Variants in TMEM132D observed in about 807,000 individuals in gnomAD.
The protein encoded by TMEM132D is mature OL transmembrane protein.
In TMEM132D, 21 loss-of-function variants were observed where a neutral mutation model predicts 62.3. The ratio of observed to expected loss-of-function variants is 0.34; its 90% CI spans 0.24 to 0.49. The LOEUF (loss-of-function observed/expected upper bound fraction) is 0.49, where lower values mean the gene tolerates loss of function less well. Ranked by LOEUF, TMEM132D falls within the 20% of genes least tolerant of loss-of-function variation. The probability of loss-of-function intolerance (pLI) is 0.99; values close to 1 mark genes in which losing one functional copy is unlikely to be tolerated. For synonymous variants in TMEM132D, 621 were observed against 575.6 expected (o/e 1.08, Z -1.13); for missense variants, 1,346 against 1,402.8 (o/e 0.96, Z 0.65).
intron 2 of TMEM132D, among the ~76,000 whole-genome samples, chr12:129,588,649 A>G (rs553045211): frequency 6.7e-6 from 1 of 150,292 alleles, no homozygotes; most frequent in Non-Finnish European, 1.5e-5. Flanking sequence ...ATCTCCGCCC[A>G]CTGCAAGCTC....
chr12:129,524,959 C>T (rs1875975465), intron 3 of TMEM132D, among the ~76,000 whole-genome samples: 1 of 104,386 alleles, frequency 9.6e-6, no homozygotes, highest in South Asian at 3.5e-4. Context: ...CGGAGTCTCG[C>T]TCTGTCGCCA....
chr12:129,700,061 G>A lies in TMEM132D; in HGVS notation c.717C>T (p.Cys239=), dbSNP rs753490402. Residue 239 remains cysteine, a synonymous_variant, in exon 2 of 9, where the codon TGC becomes TGT. Transcript: ENST00000422113. ...TVHPGGERGD[C]VREDARRSNG... ...TGCTTCTCCTCGCGTCTTCCCTGACGCAGTCCCCTCTCTCACCCCCTGGGT... is the reference window on the plus strand; with the variant it reads ...TGCTTCTCCTCGCGTCTTCCCTGACACAGTCCCCTCTCTCACCCCCTGGGT... The A allele has an allele frequency of 8.7e-6, 14 of 1,613,632 alleles. No homozygotes were observed. In the East Asian group the frequency reaches 1.1e-4, roughly 13 times the overall value.
chr12:129,582,688 G>C (rs1266158366), intron 2 of TMEM132D, among the ~76,000 whole-genome samples: 1 of 147,660 alleles, frequency 6.8e-6, no homozygotes, highest in Admixed American at 6.8e-5. Context: ...GTGTGATCTC[G>C]GCTCACTGCA....
chr12:129,782,042 G>A (rs1164802528), intron 1 of TMEM132D, among the ~76,000 whole-genome samples: 1 of 152,160 alleles, frequency 6.6e-6, no homozygotes, highest in Admixed American at 6.5e-5. Context: ...TGTCTCATAT[G>A]ATCCCCAATG....
intron 1 of TMEM132D, among the ~76,000 whole-genome samples, chr12:129,743,539 A>C (rs1298634360): frequency 2.0e-5 from 3 of 152,192 alleles, no homozygotes. Flanking sequence ...GAGTCAATTA[A>C]ACCTCTTTCC....
chr12:129,880,635 C>T (rs11060601), intron 1 of TMEM132D, among the ~76,000 whole-genome samples: 7,796 of 152,050 alleles, frequency 0.051, 274 homozygotes, highest in Middle Eastern at 0.078. Flanking sequence ...ACACCACACG[C>T]GAAGTAGTAA....
chr12:129,376,928 T>C (rs775842931), intron 3 of TMEM132D, among the ~76,000 whole-genome samples: 1 of 152,192 alleles, frequency 6.6e-6, no homozygotes, highest in Admixed American at 6.5e-5. Flanking sequence ...AGTATACAAA[T>C]ATAACCCATT....
chr12:129,465,743 A>G (rs10744418), intron 3 of TMEM132D, among the ~76,000 whole-genome samples: 1 of 152,052 alleles, frequency 6.6e-6, no homozygotes, highest in Admixed American at 6.5e-5. Context: ...AGTGCAGTGG[A>G]GCTATCTCAG....
At chr12:129,288,991 A>G (rs751231571) in intron 4 of TMEM132D, among the ~76,000 whole-genome samples, 3 of 152,154 alleles carry the variant, frequency 2.0e-5, no homozygotes, top group Non-Finnish European at 4.4e-5. Context: ...AAGGACAAAT[A>G]CTGTATGAAT....
chr12:129,487,038 G>T (rs1003344849), intron 3 of TMEM132D, among the ~76,000 whole-genome samples: 1 of 151,920 alleles, frequency 6.6e-6, no homozygotes, highest in South Asian at 2.1e-4. Flanking sequence ...GTATGGGGGG[G>T]GGGGTTGTGG....
chr12:129,290,642 G>C (rs1049076301), intron 4 of TMEM132D, among the ~76,000 whole-genome samples: 1 of 152,206 alleles, frequency 6.6e-6, no homozygotes, highest in African/African-American at 2.4e-5. Context: ...TATACAGTTT[G>C]AAACTGTTCA....
At chr12:129,225,348 C>A (rs1879453324) in intron 4 of TMEM132D, among the ~76,000 whole-genome samples, 2 of 152,198 alleles carry the variant, frequency 1.3e-5, no homozygotes, top group Admixed American at 1.3e-4. Context: ...TGAGTCCTAG[C>A]TTTACACAGC....
chr12:129,514,288 CA>C, intron 3 of TMEM132D, among the ~76,000 whole-genome samples: 1 of 152,300 alleles, frequency 6.6e-6, no homozygotes, highest in Non-Finnish European at 1.5e-5. Flanking sequence ...TCTTTTTCTT[CA>C]TTTCTTCTTT....
At chr12:129,493,216 G>T (rs1874853816) in intron 3 of TMEM132D, among the ~76,000 whole-genome samples, 1 of 152,136 alleles carries the variant, frequency 6.6e-6, no homozygotes, top group Non-Finnish European at 1.5e-5. Flanking sequence ...TAATCCAACA[G>T]TTAATGGAAA....
At chr12:129,684,479 A>T (rs2137211298) in intron 2 of TMEM132D, among the ~76,000 whole-genome samples, 1 of 152,198 alleles carries the variant, frequency 6.6e-6, no homozygotes, top group South Asian at 2.1e-4. Context: ...TTCCTTTATA[A>T]ATTACCCTGT....
At chr12:129,578,269 C>A (rs1877734213) in intron 2 of TMEM132D, among the ~76,000 whole-genome samples, 1 of 152,024 alleles carries the variant, frequency 6.6e-6, no homozygotes, top group Admixed American at 6.5e-5. Context: ...TTCCCCGGGG[C>A]CCCAGCTTGC....
intron 2 of TMEM132D, among the ~76,000 whole-genome samples, chr12:129,613,589 T>C (rs1878834930): frequency 6.6e-6 from 1 of 152,144 alleles, no homozygotes; most frequent in Admixed American, 6.5e-5. Flanking sequence ...AGGCTGCAAA[T>C]GTCAGGAAGC....
chr12:129,670,869 C>G (rs1880485625), intron 2 of TMEM132D, among the ~76,000 whole-genome samples: 1 of 152,164 alleles, frequency 6.6e-6, no homozygotes, highest in Non-Finnish European at 1.5e-5. Context: ...AAAATCTAAA[C>G]TGAGCTATGA....
At chr12:129,250,694 G>A (rs567884993) in intron 4 of TMEM132D, among the ~76,000 whole-genome samples, 4 of 152,290 alleles carry the variant, frequency 2.6e-5, no homozygotes, top group Admixed American at 6.5e-5. Flanking sequence ...CTGCCCACAC[G>A]CATGGGATTG....
Sources: gnomAD v4.1 joint callset for allele counts (sites outside exome capture counted in the v4.1 genomes callset) on GRCh38, gnomAD v4.1.1 for gene constraint, MANE v1.5 for transcripts, NCBI Gene and HGNC (gene_info 2026-07-23, HGNC 2026-07-21) for gene names.